The following ADAT1 variants were observed in gnomAD, a reference collection of about 807,000 sequenced individuals.
ADAT1 encodes the protein adenosine deaminase tRNA specific 1.
In ADAT1, 58 loss-of-function variants were observed where a neutral mutation model predicts 58.6. The observed-to-expected ratio is 0.99, with a 90% CI of 0.80 to 1.23. ADAT1 has a LOEUF of 1.23. Ranked by LOEUF, ADAT1 falls within the 50% of genes most tolerant of loss-of-function variation. ADAT1 has a pLI of 0.00. For missense variants in ADAT1, 741 were observed against 608.6 expected (o/e 1.22, Z -2.29); for synonymous variants, 254 against 220.8 (o/e 1.15, Z -1.33).
intron 5 of ADAT1, among the ~76,000 whole-genome samples, chr16:75,616,831 C>T (rs1228785081): frequency 1.3e-5 from 2 of 152,162 alleles, no homozygotes; most frequent in Non-Finnish European, 2.9e-5. Flanking sequence ...ATAGGATTTC[C>T]AAGCCCCATG....
At position 75,604,490 on chromosome 16, in the gene ADAT1, C is replaced by T. The variant is rs867385729; in HGVS notation, c.1290-1319G>A. 1.6e-3 allele frequency among the ~76,000 whole-genome samples: 196 copies of T among 120,802 alleles called. 1 individual carries two copies. The highest frequency in any genetic ancestry group is 4.8e-3 in the African/African-American group (137 of 28,430). 79.3% of individuals were successfully genotyped at this position (120,802 alleles called of 152,430 possible). A position where few individuals can be genotyped will look rare whatever the true frequency, so the allele number is the denominator to read the frequency against. On this transcript the variant is annotated intron_variant, in intron 8 of 9. Transcript: ENST00000564657. ...ATATATATATACACACACACACACA[C>T]ACACACACACACACACACACACACA... is the stretch of plus-strand genomic sequence containing the variant.
At chr16:75,619,794 C>T (rs1260007203) in intron 3 of ADAT1, 1 of 348,552 alleles carries the variant, frequency 2.9e-6, no homozygotes, top group Non-Finnish European at 5.6e-6. Flanking sequence ...CCTGCTGAGG[C>T]AGGAGAATCG....
At chr16:75,609,202 T>G (rs2081451475) in intron 6 of ADAT1, among the ~76,000 whole-genome samples, 2 of 152,134 alleles carry the variant, frequency 1.3e-5, no homozygotes, top group Admixed American at 6.6e-5. Context: ...TAACTAAGAA[T>G]CAAGTCAACA....
At chr16:75,603,790 C>T (rs2081288998) in intron 8 of ADAT1, among the ~76,000 whole-genome samples, 2 of 152,194 alleles carry the variant, frequency 1.3e-5, no homozygotes, top group Non-Finnish European at 2.9e-5. Flanking sequence ...TGAGCTGCAT[C>T]TAGAAATTGG....
At chr16:75,606,510 GCTGAATACT>G (rs2081377127) in intron 8 of ADAT1, among the ~76,000 whole-genome samples, 1 of 152,208 alleles carries the variant, frequency 6.6e-6, no homozygotes, top group Non-Finnish European at 1.5e-5. Flanking sequence ...GAGTCGTGAA[GCTGAATACT>G]CTGGTAGCCT....
intron 5 of ADAT1, among the ~76,000 whole-genome samples, chr16:75,616,608 T>C (rs888990135): frequency 6.6e-6 from 1 of 152,328 alleles, no homozygotes; most frequent in East Asian, 1.9e-4. Context: ...TCCTGTCTTA[T>C]GCAACCATAG....
chr16:75,609,775 C>A (rs719574), intron 6 of ADAT1, among the ~76,000 whole-genome samples: 14,749 of 152,164 alleles, frequency 0.097, 2,370 homozygotes, highest in East Asian at 0.7. Flanking sequence ...ATGATCTCGG[C>A]TCACTGCAAC....
Position 75,614,787 on chromosome 16 carries a change from T to C in ADAT1, c.425-1926A>G, listed in dbSNP as rs570593292. On this transcript the variant is annotated intron_variant, in intron 5 of 9. Transcript: ENST00000564657. ...ATACCAAGGGAGCCAGAGAGGCACA[T>C]TCTCTAGGTAATGTTCTCTCTCTCT... Among the ~76,000 whole-genome samples, 4 of 152,332 alleles carry C rather than the reference T, an allele frequency of 2.6e-5. No individual in the cohort carries two copies. In the East Asian group the frequency reaches 7.7e-4, roughly 29 times the overall value.
intron 8 of ADAT1, among the ~76,000 whole-genome samples, chr16:75,604,518 C>T (rs12149922): frequency 0.021 from 2,312 of 111,216 alleles, 36 homozygotes; most frequent in Middle Eastern, 0.077. Flanking sequence ...CACACACACA[C>T]ATATATACAT....
intron 5 of ADAT1, 55 bp downstream of exon 5, chr16:75,617,087 C>T: frequency 6.4e-7 from 1 of 1,551,724 alleles, no homozygotes; most frequent in African/African-American, 1.4e-5. Flanking sequence ...ATGGATAACA[C>T]AAACATAAGG....
chr16:75,608,113 C>T, intron 8 of ADAT1, 111 bp downstream of exon 8: 1 of 856,058 alleles, frequency 1.2e-6, no homozygotes, highest in Non-Finnish European at 1.9e-6. Context: ...TAGGTAGTGA[C>T]TGCTAATGGG....
In ADAT1 at chr16:75,608,222, A is replaced by G; in HGVS notation, c.1289+2T>C. On this transcript the variant is annotated splice_donor_variant, in intron 8 of 9. Coordinates refer to ENST00000564657, the MANE Select transcript of ADAT1 (RefSeq NM_001324445.2). LOFTEE classifies it high-confidence loss of function. The stretch of plus-strand genomic sequence containing the variant: ...ATCTCCTCCTGCCCCAATATGCTGT[A>G]CCTTGCCTGAAGGCTTCCAATTGTT... The G allele has an allele frequency of 6.2e-7, 1 of 1,613,576 alleles. No homozygotes were observed. Among genetic ancestry groups the G allele is most frequent in the South Asian group, 1.1e-5 (1 of 91,046 alleles).
intron 6 of ADAT1, 124 bp downstream of exon 6, chr16:75,612,119 A>C: frequency 1.7e-6 from 2 of 1,158,132 alleles, no homozygotes; most frequent in Non-Finnish European, 2.4e-6. Flanking sequence ...TATTTCCTTA[A>C]GACAAATTCC....
At chr16:75,618,493 A>G (rs1411950715) in intron 4 of ADAT1, 93 bp downstream of exon 4, 47 of 844,648 alleles carry the variant, frequency 5.6e-5, no homozygotes, top group Non-Finnish European at 8.1e-5. Context: ...GCAACAGAGC[A>G]AGACTCTGTC....
At chr16:75,602,524 T>A (rs377655471) in intron 9 of ADAT1, among the ~76,000 whole-genome samples, 10 of 152,286 alleles carry the variant, frequency 6.6e-5, no homozygotes, top group African/African-American at 2.4e-4. Context: ...GTCAGAAGTA[T>A]GGGTGGTTTG....
At chr16:75,618,434 A>G in intron 4 of ADAT1, 152 bp downstream of exon 4, 1 of 395,120 alleles carries the variant, frequency 2.5e-6, no homozygotes, top group Non-Finnish European at 4.6e-6. Context: ...TGAACCCAGC[A>G]GGCGGAGGTT....
In ADAT1 at chr16:75,612,361, G is replaced by A. The variant is rs745981176; in HGVS notation, c.925C>T (p.Leu309Phe). 1.1e-5 allele frequency: 17 copies of A among 1,614,076 alleles called. No individual in the cohort carries two copies. The highest frequency in any genetic ancestry group is 1.4e-5 in the Non-Finnish European group (16 of 1,180,046). Residue 309 changes from leucine to phenylalanine, a missense_variant, in exon 6 of 10, where the codon CTC (leucine) becomes TTC (phenylalanine). Physicochemically the swap from Leu to Phe is conservative, Grantham distance 22. Transcript: ENST00000564657. ...CSDKMARWNVLGCQGALLMHL... is the reference protein window; with the variant it reads ...CSDKMARWNVFGCQGALLMHL... ...ATCAACAGTGCCCCTTGGCATCCGA[G>A]GACGTTCCATCGGGCCATCTTGTCA...
intron 9 of ADAT1, among the ~76,000 whole-genome samples, chr16:75,602,753 A>G (rs1248737219): frequency 6.6e-6 from 1 of 152,208 alleles, no homozygotes; most frequent in Non-Finnish European, 1.5e-5. Flanking sequence ...AAGAGGAGTA[A>G]CACTTGTAAC....
At chr16:75,602,210 A>G (rs1422012767) in intron 9 of ADAT1, among the ~76,000 whole-genome samples, 2 of 152,220 alleles carry the variant, frequency 1.3e-5, no homozygotes, top group African/African-American at 2.4e-5. Context: ...CAATAATTCA[A>G]TCAGTCATAA....
Sources: gnomAD v4.1 joint callset for allele counts (sites outside exome capture counted in the v4.1 genomes callset) on GRCh38, gnomAD v4.1.1 for gene constraint, MANE v1.5 for transcripts, NCBI Gene and HGNC (gene_info 2026-07-23, HGNC 2026-07-21) for gene names.